MGAT4C: variants seen among roughly 807,000 people sequenced by gnomAD.
MGAT4C encodes the protein MGAT4 family member C, also known as alpha-1,3-mannosyl-glycoprotein 4-beta-N-acetylglucosaminyltransferase C.
Under a neutral mutation model 40.1 loss-of-function variants are expected in MGAT4C, and 19 were observed. The ratio of observed to expected loss-of-function variants is 0.47; its 90% CI spans 0.33 to 0.70. The LOEUF is 0.70. Ranked by LOEUF, MGAT4C falls within the 30% of genes least tolerant of loss-of-function variation. The probability of loss-of-function intolerance (pLI) is 0.02; values close to 1 mark genes in which losing one functional copy is unlikely to be tolerated. For synonymous variants in MGAT4C, 181 were observed against 187.1 expected (o/e 0.97, Z 0.27); for missense variants, 491 against 563.2 (o/e 0.87, Z 1.30).
intron 2 of MGAT4C, among the ~76,000 whole-genome samples, chr12:86,688,072 C>T (rs982308941): frequency 6.6e-6 from 1 of 151,508 alleles, no homozygotes; most frequent in Non-Finnish European, 1.5e-5. Flanking sequence ...GCATTGATCC[C>T]TTTACCACTA....
At chr12:86,031,102 TATAA>T (rs1415911065) in intron 2 of MGAT4C, among the ~76,000 whole-genome samples, 7 of 151,054 alleles carry the variant, frequency 4.6e-5, no homozygotes, top group Non-Finnish European at 7.4e-5. Context: ...CTCTTCACAT[TATAA>T]ATAATTTTTT....
chr12:86,091,763 C>T (rs1471857292), intron 1 of MGAT4C, among the ~76,000 whole-genome samples: 1 of 152,024 alleles, frequency 6.6e-6, no homozygotes, highest in African/African-American at 2.4e-5. Context: ...TCTCTTAACT[C>T]GATGGAGAGC....
intron 1 of MGAT4C, among the ~76,000 whole-genome samples, chr12:86,818,781 C>A (rs1295308430): frequency 6.6e-6 from 1 of 151,076 alleles, no homozygotes; most frequent in Non-Finnish European, 1.5e-5. Context: ...TGATAAAGAA[C>A]TTCAGTAATG....
intron 1 of MGAT4C, among the ~76,000 whole-genome samples, chr12:86,748,664 C>A (rs367575964): frequency 6.6e-6 from 1 of 151,378 alleles, no homozygotes; most frequent in African/African-American, 2.4e-5. Flanking sequence ...AGCAAAGAAA[C>A]ATATCAGAGG....
chr12:86,064,458 A>G (rs1345341504), intron 1 of MGAT4C, among the ~76,000 whole-genome samples: 1 of 152,218 alleles, frequency 6.6e-6, no homozygotes, highest in Non-Finnish European at 1.5e-5. Context: ...CTGCTCCTCA[A>G]TGACTACTGG....
At chr12:86,235,831 G>A (rs551633394) in intron 1 of MGAT4C, among the ~76,000 whole-genome samples, 6 of 151,940 alleles carry the variant, frequency 3.9e-5, no homozygotes, top group African/African-American at 1.4e-4. Context: ...CTTACTTATT[G>A]TTATTGTCCT....
intron 3 of MGAT4C, among the ~76,000 whole-genome samples, chr12:86,410,244 C>T (rs1382814628): frequency 6.6e-6 from 1 of 152,084 alleles, no homozygotes; most frequent in Non-Finnish European, 1.5e-5. Flanking sequence ...AGGATCTTTT[C>T]CCTACCCTAA....
intron 3 of MGAT4C, among the ~76,000 whole-genome samples, chr12:86,338,267 T>A (rs1044752342): frequency 1.3e-5 from 2 of 152,114 alleles, no homozygotes; most frequent in African/African-American, 2.4e-5. Context: ...CTCTTCCCGC[T>A]GAGTCAGTTC....
At chr12:85,987,228 C>T (rs1885338232) in intron 3 of MGAT4C, among the ~76,000 whole-genome samples, 1 of 134,852 alleles carries the variant, frequency 7.4e-6, no homozygotes, top group African/African-American at 2.7e-5. Flanking sequence ...GCTCCGCCTC[C>T]CGGGTTCACG....
At chr12:86,623,238 C>G (rs180745941) in intron 2 of MGAT4C, among the ~76,000 whole-genome samples, 6 of 152,092 alleles carry the variant, frequency 3.9e-5, no homozygotes, top group Admixed American at 2.0e-4. Flanking sequence ...AGATCAGGAC[C>G]AAGAATATGG....
intron 2 of MGAT4C, among the ~76,000 whole-genome samples, chr12:86,705,975 G>T (rs1050751224): frequency 6.6e-6 from 1 of 152,110 alleles, no homozygotes; most frequent in African/African-American, 2.4e-5. Flanking sequence ...TAGAATAAAT[G>T]GATATAAGTA....
At chr12:86,373,671 G>A (rs1354109277) in intron 3 of MGAT4C, among the ~76,000 whole-genome samples, 1 of 148,042 alleles carries the variant, frequency 6.8e-6, no homozygotes. Context: ...TTTTTTTGAT[G>A]TAGCATAGTT....
chr12:86,627,186 T>C (rs973223356), intron 2 of MGAT4C, among the ~76,000 whole-genome samples: 3 of 152,010 alleles, frequency 2.0e-5, no homozygotes, highest in Admixed American at 2.0e-4. Flanking sequence ...CCACCATTGC[T>C]GAGGCTTGAG....
In MGAT4C at chr12:86,813,167, G is replaced by A. The variant is rs115185062; in HGVS notation, c.-262+25499C>T. ...TTATAGTTGTGCTTAGCAGGGAGAAGCAAGAAGAAATAGTTCTATATCATA... is the reference window on the plus strand; with the variant it reads ...TTATAGTTGTGCTTAGCAGGGAGAAACAAGAAGAAATAGTTCTATATCATA... On this transcript the variant is annotated intron_variant, in intron 1 of 7. Coordinates refer to the MGAT4C transcript ENST00000548651. 1.9e-3 allele frequency among the ~76,000 whole-genome samples: 288 copies of A among 151,998 alleles called. 1 individual carries two copies. Among genetic ancestry groups the A allele is most frequent in the African/African-American group, 6.7e-3 (277 of 41,494 alleles).
At chr12:86,617,366 C>G (rs1962484851) in intron 2 of MGAT4C, among the ~76,000 whole-genome samples, 1 of 152,136 alleles carries the variant, frequency 6.6e-6, no homozygotes, top group Admixed American at 6.5e-5. Flanking sequence ...TCAACCAACT[C>G]CAAATTGAAA....
At chr12:86,039,641 T>G (rs190845572) in intron 2 of MGAT4C, among the ~76,000 whole-genome samples, 31 of 152,258 alleles carry the variant, frequency 2.0e-4, no homozygotes, top group African/African-American at 7.2e-4. Flanking sequence ...TTCAAGGCTC[T>G]TAGCTTCCTT....
intron 2 of MGAT4C, among the ~76,000 whole-genome samples, chr12:86,717,570 T>C (rs1356326239): frequency 3.9e-5 from 6 of 152,152 alleles, no homozygotes; most frequent in Admixed American, 3.9e-4. Context: ...TTCAAAAGCC[T>C]AAAATGCTAA....
intron 1 of MGAT4C, among the ~76,000 whole-genome samples, chr12:86,241,435 T>C (rs1951778448): frequency 6.6e-6 from 1 of 152,194 alleles, no homozygotes; most frequent in African/African-American, 2.4e-5. Flanking sequence ...TCATCTCTTT[T>C]CCCCTAATTA....
chr12:85,979,560 AT>A lies in MGAT4C; in HGVS notation c.1165del (p.Ile389Ter). 2 of 1,607,814 alleles carry A rather than the reference AT, an allele frequency of 1.2e-6. No individual in the cohort carries two copies. The highest frequency in any genetic ancestry group is 1.7e-6 in the Non-Finnish European group (2 of 1,177,450). ...FVIVFENPII[I>X]KKIKVNTGTE... ...TCCAGTATTTACTTTAATTTTTTTT[AT>A]TATAATTGGATTTTCAAATACAATC... On this transcript the variant is annotated frameshift_variant, in exon 5 of 5. Transcript: ENST00000611864. LOFTEE classifies it high-confidence loss of function.
Sources: gnomAD v4.1 joint callset for allele counts (sites outside exome capture counted in the v4.1 genomes callset) on GRCh38, gnomAD v4.1.1 for gene constraint, MANE v1.5 for transcripts, NCBI Gene and HGNC (gene_info 2026-07-23, HGNC 2026-07-21) for gene names.